The following OR1J2 variants were observed in gnomAD, a reference collection of about 807,000 sequenced individuals.
OR1J2 encodes the protein olfactory receptor family 1 subfamily J member 2.
For synonymous variants in OR1J2, 142 were observed against 99.7 expected, an observed-to-expected ratio of 1.42 and a Z score of -2.52; for missense variants, 304 against 246.1, an observed-to-expected ratio of 1.24 and a Z score of -1.57.
chr9:122,570,820 CAA>C, the OR1J2 span, among the ~76,000 whole-genome samples: 22,031 of 152,026 alleles, frequency 0.14, 1,734 homozygotes, highest in East Asian at 0.25. Flanking sequence ...ATAATATTAA[CAA>C]ATATTTATTG....
the OR1J2 span, among the ~76,000 whole-genome samples, chr9:122,563,454 T>G: frequency 6.6e-6 from 1 of 152,172 alleles, no homozygotes; most frequent in African/African-American, 2.4e-5. Context: ...TTAAAATCAT[T>G]TATTTGTTTT....
chr9:122,467,038 A>C, the OR1J2 span, among the ~76,000 whole-genome samples: 1 of 151,968 alleles, frequency 6.6e-6, no homozygotes, highest in East Asian at 1.9e-4. Context: ...GCTTCAAACA[A>C]CTGGTCTCGA....
the OR1J2 span, among the ~76,000 whole-genome samples, chr9:122,517,870 C>T: frequency 3.3e-5 from 5 of 152,074 alleles, no homozygotes; most frequent in Non-Finnish European, 7.4e-5. Context: ...ATGCTCTCAC[C>T]CCCTCAAGCT....
chr9:122,561,340 C>T, the OR1J2 span, among the ~76,000 whole-genome samples: 1 of 152,150 alleles, frequency 6.6e-6, no homozygotes, highest in Non-Finnish European at 1.5e-5. Context: ...CTGCCTCTGT[C>T]AGTTCATCTA....
chr9:122,539,358 T>C, the OR1J2 span, among the ~76,000 whole-genome samples: 1 of 151,978 alleles, frequency 6.6e-6, no homozygotes, highest in Non-Finnish European at 1.5e-5. Context: ...AGTGAGAACA[T>C]GCGGTGTTTG....
downstream of OR1J2, chr9:122,511,803 C>T: frequency 2.6e-6 from 2 of 759,586 alleles, no homozygotes; most frequent in Non-Finnish European, 4.9e-6. Context: ...TTTGATTTTC[C>T]ATTTGAATAT....
chr9:122,534,431 G>A, the OR1J2 span, among the ~76,000 whole-genome samples: 1 of 152,072 alleles, frequency 6.6e-6, no homozygotes, highest in Non-Finnish European at 1.5e-5. Context: ...AATATTTGAT[G>A]AAAAAGAGCC....
the OR1J2 span, chr9:122,568,696 G>A: frequency 4.5e-6 from 2 of 447,746 alleles, no homozygotes; most frequent in South Asian, 5.4e-5. Context: ...AAATCTGGAG[G>A]GACAGAGGGA....
chr9:122,553,879 G>T, the OR1J2 span: 1 of 1,613,814 alleles, frequency 6.2e-7, no homozygotes, highest in African/African-American at 1.3e-5. Flanking sequence ...TCCTATGTCC[G>T]CATTTTCTGG....
chr9:122,475,826 G>T, the OR1J2 span: 3 of 152,098 alleles, frequency 2.0e-5, no homozygotes, highest in Non-Finnish European at 4.4e-5. Flanking sequence ...GTAAAGAAAC[G>T]CCTTCTTTGG....
At chr9:122,574,358 C>A in the OR1J2 span, among the ~76,000 whole-genome samples, 1 of 152,014 alleles carries the variant, frequency 6.6e-6, no homozygotes, top group African/African-American at 2.4e-5. Flanking sequence ...CTATTTAGTT[C>A]TTTTATCTTT....
At chr9:122,479,126 C>T in the OR1J2 span, among the ~76,000 whole-genome samples, 2 of 152,164 alleles carry the variant, frequency 1.3e-5, no homozygotes. Context: ...TATATTCCTC[C>T]AGGCTCAACC....
chr9:122,538,662 A>T, the OR1J2 span, among the ~76,000 whole-genome samples: 1 of 152,146 alleles, frequency 6.6e-6, no homozygotes, highest in East Asian at 1.9e-4. Context: ...GACTTCTACT[A>T]CTATGTTGAA....
the OR1J2 span, among the ~76,000 whole-genome samples, chr9:122,449,659 G>A: frequency 2.0e-5 from 3 of 152,144 alleles, no homozygotes; most frequent in South Asian, 2.1e-4. Context: ...ATGAGCCACC[G>A]CGCCCGGCCT....
At chr9:122,570,515 A>T in the OR1J2 span, among the ~76,000 whole-genome samples, 1 of 152,220 alleles carries the variant, frequency 6.6e-6, no homozygotes, top group Non-Finnish European at 1.5e-5. Flanking sequence ...CAGGTTTTTC[A>T]TGTATAAAAT....
the OR1J2 span, among the ~76,000 whole-genome samples, chr9:122,558,311 C>CTTTTTTTTTTTT: frequency 1.7e-4 from 6 of 34,472 alleles, 2 homozygotes; most frequent in Non-Finnish European, 2.9e-4. Context: ...TTGGATTTTG[C>CTTTTTTTTTTTT]TTTTTTTTTT....
At chr9:122,470,725 T>G in the OR1J2 span, among the ~76,000 whole-genome samples, 1 of 152,184 alleles carries the variant, frequency 6.6e-6, no homozygotes, top group Non-Finnish European at 1.5e-5. Flanking sequence ...GGCTGTACCC[T>G]GCAAAGCCAC....
At chr9:122,568,635 G>A in the OR1J2 span, 12 of 556,194 alleles carry the variant, frequency 2.2e-5, no homozygotes, top group Non-Finnish European at 3.5e-5. Context: ...CATGGTCCTT[G>A]ATGGGGTCCT....
chr9:122,562,461 G>C, the OR1J2 span, among the ~76,000 whole-genome samples: 2 of 152,214 alleles, frequency 1.3e-5, no homozygotes, highest in African/African-American at 2.4e-5. Flanking sequence ...GGGCTCTCAA[G>C]TGGGATCTTC....
Sources: allele counts gnomAD v4.1 joint callset (sites outside exome capture counted in the v4.1 genomes callset), GRCh38; gene constraint gnomAD v4.1.1; transcripts MANE v1.5; gene names NCBI Gene and HGNC (gene_info 2026-07-23, HGNC 2026-07-21).